The following ACKR2 variants were observed in gnomAD, a reference collection of about 807,000 sequenced individuals.
The protein encoded by ACKR2 is C-C chemokine receptor D6.
For missense variants in ACKR2, 457 were observed against 477.3 expected (o/e 0.96, Z 0.40); for synonymous variants, 207 against 192.2 (o/e 1.08, Z -0.64).
intron 1 of ACKR2, among the ~76,000 whole-genome samples, chr3:42,811,781 G>A (rs185852706): frequency 5.9e-4 from 90 of 152,300 alleles, no homozygotes; most frequent in African/African-American, 2.1e-3. Flanking sequence ...GGCTGGAGGC[G>A]AGATATGCTG....
intron 1 of ACKR2, among the ~76,000 whole-genome samples, chr3:42,813,429 A>G (rs1700714873): frequency 1.3e-5 from 2 of 152,222 alleles, no homozygotes; most frequent in African/African-American, 2.4e-5. Flanking sequence ...TATAGGAAGC[A>G]TGGCTAAGGA....
At chr3:42,832,517 A>AT (rs1302483607) in intron 2 of ACKR2, among the ~76,000 whole-genome samples, 1 of 151,458 alleles carries the variant, frequency 6.6e-6, no homozygotes, top group African/African-American at 2.4e-5. Flanking sequence ...TAAAAAAAAA[A>AT]GAAAGAAAAA....
chr3:42,842,307 G>A (rs192343852), intron 2 of ACKR2, among the ~76,000 whole-genome samples: 54 of 152,282 alleles, frequency 3.5e-4, no homozygotes, highest in African/African-American at 1.2e-3. Context: ...AACATCAAAT[G>A]TGTGATTTTA....
At chr3:42,844,144 A>G (rs1211733096) in intron 2 of ACKR2, 3 of 152,238 alleles carry the variant, frequency 2.0e-5, no homozygotes, top group African/African-American at 4.8e-5. Context: ...AGGTTGAACT[A>G]TATGAAATTG....
chr3:42,824,044 T>C (rs1361913846), intron 2 of ACKR2, among the ~76,000 whole-genome samples: 2 of 151,952 alleles, frequency 1.3e-5, no homozygotes, highest in African/African-American at 2.4e-5. Context: ...AGACTATGTG[T>C]ATGAGGTGTA....
At chr3:42,848,749 A>G (rs1409973104) in intron 2 of ACKR2, among the ~76,000 whole-genome samples, 1 of 152,236 alleles carries the variant, frequency 6.6e-6, no homozygotes, top group Admixed American at 6.5e-5. Flanking sequence ...GTAATTTCAC[A>G]GTGGAAGAAC....
At chr3:42,833,333 A>C (rs1700951056) in intron 2 of ACKR2, among the ~76,000 whole-genome samples, 1 of 152,228 alleles carries the variant, frequency 6.6e-6, no homozygotes, top group South Asian at 2.1e-4. Flanking sequence ...TCAACATAAC[A>C]ATGAGATATT....
At chr3:42,844,010 AC>A (rs1701066743) in intron 2 of ACKR2, 1 of 152,168 alleles carries the variant, frequency 6.6e-6, no homozygotes, top group African/African-American at 2.4e-5. Context: ...CTCTCCGGGA[AC>A]CCGCTGTGCT....
chr3:42,817,827 C>G (rs893891469), intron 1 of ACKR2, among the ~76,000 whole-genome samples: 1 of 152,172 alleles, frequency 6.6e-6, no homozygotes, highest in Non-Finnish European at 1.5e-5. Context: ...CCATATCTTA[C>G]TTGACTCTTC....
chr3:42,841,356 A>G (rs933103158), intron 2 of ACKR2, among the ~76,000 whole-genome samples: 3 of 152,250 alleles, frequency 2.0e-5, no homozygotes, highest in African/African-American at 7.2e-5. Flanking sequence ...TGACATTCCA[A>G]TGAAAGAAAA....
chr3:42,865,746 T>A lies in ACKR2; in HGVS notation c.*89T>A, dbSNP rs547320290. The A allele has an allele frequency of 6.0e-5, 64 of 1,067,514 alleles. No homozygotes were observed. The South Asian group carries it at 9.2e-4, about 15-fold the overall frequency. 66.1% of individuals were successfully genotyped at this position (1,067,514 alleles called of 1,614,324 possible). ...TGCTCTCTCCAGGGGCCTCAGTGAC[T>A]GTGTTGCTAAACCCAGTGGTCAGTT... On this transcript the variant is annotated 3_prime_UTR_variant, in exon 3 of 3. Coordinates refer to ENST00000422265, the MANE Select transcript of ACKR2 (RefSeq NM_001296.5).
chr3:42,833,773 A>G (rs1700956538), intron 2 of ACKR2, among the ~76,000 whole-genome samples: 1 of 152,038 alleles, frequency 6.6e-6, no homozygotes, highest in East Asian at 1.9e-4. Context: ...ATTGTATTTT[A>G]AGGCCATTTT....
At chr3:42,844,401 G>A (rs1050616679) in intron 2 of ACKR2, among the ~76,000 whole-genome samples, 3 of 152,112 alleles carry the variant, frequency 2.0e-5, no homozygotes, top group African/African-American at 7.2e-5. Context: ...GGCAAGGGAG[G>A]TGGGGTATTT....
chr3:42,864,455 T>TG lies in ACKR2; in HGVS notation c.-37-11_-37-10insG. On this transcript the variant is annotated splice_polypyrimidine_tract_variant and intron_variant, in intron 2 of 2. Transcript: ENST00000422265. ...GAGAATGCTAGGTCTCACCATATTT[T>TG]CCCCCCGCAGCACTACAGGACGTCG... 1 of 1,537,652 alleles carries TG rather than the reference T, an allele frequency of 6.5e-7. No individual in the cohort carries two copies.
At chr3:42,828,074 T>TTATATATATATA (rs199846772) in intron 2 of ACKR2, among the ~76,000 whole-genome samples, 7 of 122,518 alleles carry the variant, frequency 5.7e-5, no homozygotes, top group African/African-American at 1.5e-4. Context: ...GATGCTTGCA[T>TTATATATATATA]TATATATATA....
rs962674947 is a variant in ACKR2, at chr3:42,861,479, T to C, written c.-37-2987T>C. On this transcript the variant is annotated intron_variant, in intron 2 of 2. Transcript: ENST00000422265. ...TTCCTTGTGAAACTATTCTAAACAA[T>C]AGAAAAAAGAGGGAATCCTCTTTAA... 3.9e-5 allele frequency among the ~76,000 whole-genome samples: 6 copies of C among 151,928 alleles called. No homozygotes were observed. In the South Asian group the frequency reaches 1.2e-3, roughly 32 times the overall value.
In ACKR2 at chr3:42,864,558, A is replaced by ATAGCAGC; in HGVS notation, c.58_64dup (p.Phe22Ter). 1.2e-6 allele frequency: 2 copies of ATAGCAGC among 1,613,690 alleles called. No homozygotes were observed. Among genetic ancestry groups the ATAGCAGC allele is most frequent in the Non-Finnish European group, 1.7e-6 (2 of 1,179,730 alleles). On this transcript the variant is annotated frameshift_variant, in exon 3 of 3. Coordinates refer to ENST00000422265, the MANE Select transcript of ACKR2 (RefSeq NM_001296.5). LOFTEE classifies it low-confidence loss of function (END_TRUNC). Reference sequence around the variant, plus strand: ...GCCACTGAGGATGCCGATTCTGAGAATAGCAGCTTCTATTACTATGACTAC... The same window carrying ATAGCAGC: ...GCCACTGAGGATGCCGATTCTGAGAATAGCAGCTAGCAGCTTCTATTACTATGACTAC...
intron 2 of ACKR2, among the ~76,000 whole-genome samples, chr3:42,842,104 A>T (rs1038122010): frequency 2.0e-5 from 3 of 152,188 alleles, no homozygotes. Context: ...GATGGCACTG[A>T]TTGTCATTGG....
At chr3:42,850,092 C>T (rs1333926107) in intron 2 of ACKR2, among the ~76,000 whole-genome samples, 3 of 152,174 alleles carry the variant, frequency 2.0e-5, no homozygotes, top group Non-Finnish European at 4.4e-5. Context: ...TAGAACTTAG[C>T]TGTTCTGTGG....
Sources: gnomAD v4.1 joint callset for allele counts (sites outside exome capture counted in the v4.1 genomes callset) on GRCh38, gnomAD v4.1.1 for gene constraint, MANE v1.5 for transcripts, NCBI Gene and HGNC (gene_info 2026-07-23, HGNC 2026-07-21) for gene names.